NAA16: variants seen among roughly 807,000 people sequenced by gnomAD.
The protein encoded by NAA16 is N-alpha-acetyltransferase 16, NatA auxiliary subunit, also known as NARG1-like protein.
A neutral mutation model predicts 110.3 loss-of-function variants in NAA16; 97 were observed. The ratio of observed to expected loss-of-function variants is 0.88; its 90% CI spans 0.75 to 1.04. NAA16 has a LOEUF of 1.04. NAA16 is among the 50% of genes least tolerant of loss of function. The pLI, the probability that NAA16 is intolerant of heterozygous loss-of-function variation, is 0.00. For synonymous variants in NAA16, 372 were observed against 330.6 expected (o/e 1.13, Z -1.36); for missense variants, 1,017 against 1,005.1 (o/e 1.01, Z -0.16).
In NAA16 at chr13:41,373,709, A is replaced by G. The variant is rs778440087; in HGVS notation, c.2228A>G (p.Lys743Arg). 6 of 1,611,328 alleles carry G rather than the reference A, an allele frequency of 3.7e-6. No homozygotes were observed. The highest frequency in any genetic ancestry group is 1.3e-5 in the African/African-American group (1 of 74,680). ...CAAGAAATGCAGAAAATATTTGTCAAAAAGGATTTGGAAAGTTTTAATGAG... is the reference window on the plus strand; with the variant it reads ...CAAGAAATGCAGAAAATATTTGTCAGAAAGGATTTGGAAAGTTTTAATGAG... ...LSQEMQKIFV[K>R]KDLESFNEDF... Residue 743 changes from lysine to arginine, a missense_variant, in exon 18 of 20, where the codon AAA (lysine) becomes AGA (arginine). Transcript: ENST00000379406.
chr13:41,311,307 G>T lies in NAA16; in HGVS notation c.-222G>T, dbSNP rs2041545159. On this transcript the variant is annotated 5_prime_UTR_variant, in exon 1 of 20. Transcript: ENST00000379406. ...CGCCGCCGCCGCCGCTGGCCAAAAA[G>T]CGGAGCCCAGGGGAAGCGTGTCCTG... 2 of 546,074 alleles carry T rather than the reference G, an allele frequency of 3.7e-6. No homozygotes were observed. The highest frequency in any genetic ancestry group is 6.4e-6 in the Non-Finnish European group (2 of 313,062). 33.8% of individuals were successfully genotyped at this position (546,074 alleles called of 1,614,324 possible). A position where few individuals can be genotyped will look rare whatever the true frequency, so the allele number is the denominator to read the frequency against.
chr13:41,318,782 T>C, intron 2 of NAA16, 24 bp from the exon 3 acceptor site: 7 of 1,327,768 alleles, frequency 5.3e-6, no homozygotes, highest in Non-Finnish European at 6.2e-6. Flanking sequence ...CATTTGTAAA[T>C]AGAGTTTAAA....
intron 12 of NAA16, among the ~76,000 whole-genome samples, chr13:41,359,768 A>G (rs890435198): frequency 1.3e-4 from 20 of 152,300 alleles, no homozygotes; most frequent in African/African-American, 4.6e-4. Context: ...TAAACTAATT[A>G]TAATATAATC....
intron 5 of NAA16, among the ~76,000 whole-genome samples, chr13:41,324,359 CT>C (rs1385721893): frequency 0.014 from 1,039 of 71,942 alleles, 16 homozygotes; most frequent in Middle Eastern, 0.021. Context: ...CAATTTCTTT[CT>C]TTCTTTTTTT....
intron 15 of NAA16, among the ~76,000 whole-genome samples, chr13:41,371,274 C>A (rs1029788689): frequency 1.3e-5 from 2 of 152,156 alleles, no homozygotes; most frequent in Non-Finnish European, 2.9e-5. Flanking sequence ...TCTGATTATT[C>A]AAGACTGTTT....
chr13:41,352,079 T>C (rs927121617), intron 9 of NAA16, among the ~76,000 whole-genome samples: 2 of 152,212 alleles, frequency 1.3e-5, no homozygotes, highest in African/African-American at 4.8e-5. Flanking sequence ...TGGTGGCTCA[T>C]GCGTGTAATC....
intron 2 of NAA16, among the ~76,000 whole-genome samples, chr13:41,318,139 C>CTTAG (rs1291475133): frequency 2.0e-5 from 3 of 151,330 alleles, no homozygotes; most frequent in Non-Finnish European, 2.9e-5. Context: ...TAGAATTGAC[C>CTTAG]TTAGGTAAGA....
intron 1 of NAA16, among the ~76,000 whole-genome samples, chr13:41,311,831 C>T (rs900125876): frequency 7.9e-5 from 12 of 152,360 alleles, no homozygotes; most frequent in Non-Finnish European, 1.5e-4. Flanking sequence ...GCGCTCTTTC[C>T]AGAAACTTCA....
At position 41,373,678 on chromosome 13, in the gene NAA16, C is replaced by T. The variant is rs1204793579; in HGVS notation, c.2197C>T (p.Leu733=). Reference sequence around the variant, plus strand: ...TCTTCCAGACATTGTGAGCAAAGTTCTATCTCAAGAAATGCAGAAAATATT... The same window carrying T: ...TCTTCCAGACATTGTGAGCAAAGTTTTATCTCAAGAAATGCAGAAAATATT... The part of the protein sequence containing the change: ...SNLPDIVSKV[L]SQEMQKIFVK... The change falls in exon 18 of 20, where the codon CTA becomes TTA. Residue 733 remains leucine, a synonymous_variant. Transcript: ENST00000379406. 1.9e-6 allele frequency: 3 copies of T among 1,608,810 alleles called. No individual in the cohort carries two copies. Among genetic ancestry groups the T allele is most frequent in the African/African-American group, 1.3e-5 (1 of 74,362 alleles).
intron 3 of NAA16, among the ~76,000 whole-genome samples, chr13:41,319,809 G>A (rs1426593524): frequency 6.6e-6 from 1 of 151,526 alleles, no homozygotes; most frequent in Non-Finnish European, 1.5e-5. Context: ...GAGCCACCAT[G>A]CCTGGCCAAA....
intron 3 of NAA16, among the ~76,000 whole-genome samples, chr13:41,319,639 C>T (rs2041897565): frequency 6.6e-6 from 1 of 152,158 alleles, no homozygotes; most frequent in African/African-American, 2.4e-5. Context: ...ACCTCAGCCT[C>T]CCAGGTAGCT....
chr13:41,344,310 T>G (rs1297771497), intron 9 of NAA16, among the ~76,000 whole-genome samples: 1 of 152,250 alleles, frequency 6.6e-6, no homozygotes, highest in African/African-American at 2.4e-5. Context: ...TGTTTTCACA[T>G]GGAAATGTTA....
In NAA16 at chr13:41,372,321, A is replaced by G; in HGVS notation, c.2056+10A>G. 1 of 1,561,274 alleles carries G rather than the reference A, an allele frequency of 6.4e-7. No homozygotes were observed. Among genetic ancestry groups the G allele is most frequent in the Admixed American group, 2.0e-5 (1 of 50,096 alleles). On this transcript the variant is annotated intron_variant, in intron 16 of 19. Coordinates refer to ENST00000379406, the MANE Select transcript of NAA16 (RefSeq NM_024561.5). ...ATATATTTTAGAAAAGGTAATAAAT[A>G]GTTTGAGTTCAGTTTTTAATCTTTA...
chr13:41,370,827 C>G (rs1308208746), intron 15 of NAA16, among the ~76,000 whole-genome samples: 2 of 152,078 alleles, frequency 1.3e-5, no homozygotes, highest in Non-Finnish European at 2.9e-5. Flanking sequence ...ATGCCTGGTA[C>G]TCTATGGAAA....
intron 4 of NAA16, among the ~76,000 whole-genome samples, chr13:41,322,155 G>A (rs1309893335): frequency 2.0e-5 from 3 of 152,160 alleles, no homozygotes; most frequent in African/African-American, 4.8e-5. Flanking sequence ...GGCTGATGTA[G>A]AAGGATTGCT....
chr13:41,358,317 G>A lies in NAA16; in HGVS notation c.1101G>A (p.Lys367=), dbSNP rs1261571923. ...GTTTGATTGCAGAGAATGGGGAGAA[G>A]GAACCCCCGACAACACTACTCTGGG... ...DFFSPYENGE[K]EPPTTLLWVQ... is the part of the protein sequence containing the mutation. Residue 367 remains lysine (K), a synonymous_variant, in exon 11 of 20, where the codon AAG becomes AAA. Transcript: ENST00000379406. The A allele has an allele frequency of 6.2e-7, 1 of 1,612,906 alleles. No homozygotes were observed. Among genetic ancestry groups the A allele is most frequent in the Admixed American group, 1.7e-5 (1 of 59,958 alleles).
intron 1 of NAA16, among the ~76,000 whole-genome samples, chr13:41,316,548 G>A (rs1415658581): frequency 2.0e-5 from 3 of 151,882 alleles, no homozygotes; most frequent in African/African-American, 7.3e-5. Context: ...CAAGCGATCC[G>A]CCCACCTTTG....
chr13:41,374,839 G>A lies in NAA16; in HGVS notation c.2397G>A (p.Lys799=). ...AAACTATAAAAGATAAAGATGTAAA[G>A]GTAAGTTTTTTTTCTTTGGCTGATT... is the stretch of plus-strand genomic sequence containing the variant. The part of the protein sequence containing the change: ...LDETIKDKDV[K]TLIKVSEALL... The change falls in exon 19 of 20, where the codon AAG becomes AAA. Residue 799 remains lysine (K), a splice_region_variant and synonymous_variant. Transcript: ENST00000379406. 1.3e-6 allele frequency: 2 copies of A among 1,592,112 alleles called. No individual in the cohort carries two copies. The highest frequency in any genetic ancestry group is 1.1e-5 in the South Asian group (1 of 88,612).
chr13:41,325,985 T>G, intron 6 of NAA16, 134 bp downstream of exon 6: 1 of 608,042 alleles, frequency 1.6e-6, no homozygotes, highest in Non-Finnish European at 2.6e-6. Context: ...AAGCCATTAT[T>G]AACTAGTTTA....
Sources: allele counts gnomAD v4.1 joint callset (sites outside exome capture counted in the v4.1 genomes callset), GRCh38; gene constraint gnomAD v4.1.1; transcripts MANE v1.5; gene names NCBI Gene and HGNC (gene_info 2026-07-23, HGNC 2026-07-21).